GOLGA1: variants seen among roughly 807,000 people sequenced by gnomAD.
GOLGA1 encodes golgin A1, also known as golgin subfamily A member 1.
Under a neutral mutation model 119.7 loss-of-function variants are expected in GOLGA1, and 63 were observed. That is an observed-to-expected ratio of 0.53 (90% CI 0.43 to 0.65). The LOEUF is 0.65. Ranked by LOEUF, GOLGA1 falls within the 30% of genes least tolerant of loss-of-function variation. The pLI, the probability that GOLGA1 is intolerant of heterozygous loss-of-function variation, is 0.00. For missense variants in GOLGA1, 798 were observed against 912.8 expected, an observed-to-expected ratio of 0.87 and a Z score of 1.62; for synonymous variants, 318 against 333.4, an observed-to-expected ratio of 0.95 and a Z score of 0.50.
chr9:124,938,015 A>G (rs1044696700), intron 3 of GOLGA1, among the ~76,000 whole-genome samples: 5 of 150,634 alleles, frequency 3.3e-5, no homozygotes, highest in Non-Finnish European at 5.9e-5. Flanking sequence ...CCCCAGAGGC[A>G]GAGGTTGTGG....
intron 15 of GOLGA1, among the ~76,000 whole-genome samples, chr9:124,895,775 G>A (rs1164540206): frequency 2.4e-5 from 3 of 124,714 alleles, no homozygotes; most frequent in East Asian, 2.5e-4. Context: ...ACAACAGAGA[G>A]CCTCCACAAC....
chr9:124,899,304 C>A, intron 14 of GOLGA1, 25 bp downstream of exon 14: 1 of 1,526,972 alleles, frequency 6.5e-7, no homozygotes, highest in Non-Finnish European at 8.8e-7. Context: ...CTCCTGGGCC[C>A]ACCCTCTCTT....
intron 19 of GOLGA1, 84 bp from the exon 20 acceptor site, chr9:124,882,653 C>A: frequency 9.5e-7 from 1 of 1,052,202 alleles, no homozygotes; most frequent in Middle Eastern, 2.0e-4. Context: ...CCCACGGGAT[C>A]CCCTGTACAC....
At position 124,939,643 on chromosome 9, in the gene GOLGA1, AC is replaced by A. The variant is rs1186599646; in HGVS notation, c.-156+462del. ...AATGGCACTATCTCGGCTCACCGCA[AC>A]CTCCACCTCCTGGGTTCAAGCGATT... On this transcript the variant is annotated intron_variant, in intron 2 of 22. Coordinates refer to ENST00000373555, the MANE Select transcript of GOLGA1 (RefSeq NM_002077.4). Among the ~76,000 whole-genome samples, 4 of 137,372 alleles carry A rather than the reference AC, an allele frequency of 2.9e-5. No homozygotes were observed. The East Asian group carries it at 8.3e-4, about 29-fold the overall frequency. The allele number at this position is 137,372 out of a possible 152,430, so 90.1% of individuals were successfully genotyped here.
At position 124,928,107 on chromosome 9, in the gene GOLGA1, T is replaced by C. The variant is rs540225994; in HGVS notation, c.399+81A>G. Reference sequence around the variant, plus strand: ...TCTCCTAGGCTATAAATATTTTCTATAGGTTATGTCATGATTTTTGAAATC... The same window carrying C: ...TCTCCTAGGCTATAAATATTTTCTACAGGTTATGTCATGATTTTTGAAATC... On this transcript the variant is annotated intron_variant, in intron 6 of 22. Transcript: ENST00000373555. The C allele has an allele frequency of 6.7e-5, 41 of 608,126 alleles. No homozygotes were observed. In the South Asian group the frequency reaches 7.0e-4, roughly 10 times the overall value. The allele number at this position is 608,126 out of a possible 1,614,324, so 37.7% of individuals were successfully genotyped here.
Position 124,881,023 on chromosome 9 carries a change from A to T in GOLGA1, c.2223+148T>A. The T allele has an allele frequency of 1.5e-6, 1 of 662,268 alleles. No individual in the cohort carries two copies. 41.0% of individuals were successfully genotyped at this position (662,268 alleles called of 1,614,324 possible). A position where few individuals can be genotyped will look rare whatever the true frequency, so the allele number is the denominator to read the frequency against. ...GATGTCATCGCTAAAAAGTGCTTGGATCAAGTTCATCCAAAAGCAGCCAAG... is the reference window on the plus strand; with the variant it reads ...GATGTCATCGCTAAAAAGTGCTTGGTTCAAGTTCATCCAAAAGCAGCCAAG... On this transcript the variant is annotated intron_variant, in intron 22 of 22. Transcript: ENST00000373555. The surrounding 1 kb of genome is among the most constrained non-coding windows in gnomAD (Gnocchi z 4.9).
At chr9:124,925,184 T>C (rs923411718) in intron 7 of GOLGA1, among the ~76,000 whole-genome samples, 18 of 152,184 alleles carry the variant, frequency 1.2e-4, no homozygotes, top group Non-Finnish European at 2.4e-4. Context: ...GTAGGTTTTT[T>C]AGTTGGTTCA....
chr9:124,926,729 T>C lies in GOLGA1; in HGVS notation c.412A>G (p.Lys138Glu). The change falls in exon 7 of 23, where the codon AAG becomes GAG. Residue 138 changes from lysine to glutamate, a missense_variant. By Grantham distance (56) the Lys-to-Glu change is moderately conservative. Coordinates refer to ENST00000373555, the MANE Select transcript of GOLGA1 (RefSeq NM_002077.4). ...CTAACCTTTTCAAGCTGATCCATCT[T>C]TTCTGACCATTCCTAAAACAAAACA... Reference protein sequence around the residue: ...LARKDQEWSEKMDQLEKEKNI... With the variant: ...LARKDQEWSEEMDQLEKEKNI... 1 of 1,576,534 alleles carries C rather than the reference T, an allele frequency of 6.3e-7. No individual in the cohort carries two copies. The highest frequency in any genetic ancestry group is 1.7e-5 in the Admixed American group (1 of 59,228).
chr9:124,908,059 C>T (rs955617559), intron 12 of GOLGA1, among the ~76,000 whole-genome samples: 1 of 152,162 alleles, frequency 6.6e-6, no homozygotes, highest in Non-Finnish European at 1.5e-5. Flanking sequence ...ATAGCTGCAT[C>T]ATTTACAGAA....
chr9:124,916,462 T>C (rs1017320726), intron 10 of GOLGA1, among the ~76,000 whole-genome samples: 5 of 151,962 alleles, frequency 3.3e-5, no homozygotes, highest in African/African-American at 9.7e-5. Flanking sequence ...AGAAATACAA[T>C]GCCAAAACAT....
chr9:124,921,870 A>AGAC lies in GOLGA1; in HGVS notation c.581_583dup (p.Ser194_Leu195insArg), dbSNP rs753912345. 2.5e-6 allele frequency: 4 copies of AGAC among 1,612,906 alleles called. No individual in the cohort carries two copies. The South Asian group carries it at 3.3e-5, about 13-fold the overall frequency. ...CTCCAATTCTTGTTCCATTTTCCCT[A>AGAC]GACTTTCTTCTTTTTTTAAAAGCTG... is the stretch of plus-strand genomic sequence containing the variant. On this transcript the variant is annotated inframe_insertion, in exon 9 of 23. Transcript: ENST00000373555.
In GOLGA1 at chr9:124,889,217, C is replaced by A. The variant is rs1829798584; in HGVS notation, c.1687G>T (p.Val563Phe). The change falls in exon 18 of 23, where the codon GTC becomes TTC. Residue 563 changes from valine to phenylalanine, a missense_variant. Transcript: ENST00000373555. ...CTCAGCAGGTCCTCCTGCTCCGCGA[C>A]CACTGCAGCCTCCTCCGCCTTGAGG... is the stretch of plus-strand genomic sequence containing the variant. ...RTLKAEEAAV[V>F]AEQEDLLRLR... The A allele has an allele frequency of 2.2e-5, 35 of 1,613,410 alleles. No homozygotes were observed. Among genetic ancestry groups the A allele is most frequent in the Non-Finnish European group, 3.0e-5 (35 of 1,179,944 alleles).
intron 3 of GOLGA1, among the ~76,000 whole-genome samples, chr9:124,936,509 T>C (rs1830873883): frequency 1.3e-5 from 2 of 151,642 alleles, no homozygotes; most frequent in Admixed American, 1.3e-4. Flanking sequence ...GGCACGATCA[T>C]AGCTCACTAC....
intron 3 of GOLGA1, among the ~76,000 whole-genome samples, chr9:124,932,634 T>C (rs78546883): frequency 6.6e-6 from 1 of 152,362 alleles, no homozygotes; most frequent in African/African-American, 2.4e-5. Context: ...ATATTAGCTT[T>C]AATATGTGTC....
In GOLGA1 at chr9:124,921,238, T is replaced by A; in HGVS notation, c.734A>T (p.Asp245Val). ...RHYSTLEEQRDHVIASKTGAE... is the reference protein window; with the variant it reads ...RHYSTLEEQRVHVIASKTGAE... Reference sequence around the variant, plus strand: ...ACCTGTTTTTGAAGCTATCACATGATCTCTTCATCAAAAGAAAGCAGACAA... The same window carrying A: ...ACCTGTTTTTGAAGCTATCACATGAACTCTTCATCAAAAGAAAGCAGACAA... Residue 245 changes from aspartate to valine, a missense_variant and splice_region_variant, in exon 10 of 23, where the codon GAT (aspartate) becomes GTT (valine). By Grantham distance (152) the Asp-to-Val change is radical. Transcript: ENST00000373555. The A allele has an allele frequency of 6.3e-7, 1 of 1,585,078 alleles. No individual in the cohort carries two copies. Among genetic ancestry groups the A allele is most frequent in the Non-Finnish European group, 8.7e-7 (1 of 1,153,826 alleles).
At chr9:124,917,251 T>C (rs1025142502) in intron 10 of GOLGA1, among the ~76,000 whole-genome samples, 1 of 152,224 alleles carries the variant, frequency 6.6e-6, no homozygotes, top group African/African-American at 2.4e-5. Flanking sequence ...GATAAACACA[T>C]TGTTCTTTTT....
rs756860020 is a variant in GOLGA1 at position 124,888,267 on chromosome 9, G to A, written c.1891C>T (p.Leu631=). 1.2e-6 allele frequency: 2 copies of A among 1,614,122 alleles called. No individual in the cohort carries two copies. Among genetic ancestry groups the A allele is most frequent in the Non-Finnish European group, 1.7e-6 (2 of 1,179,956 alleles). ...KEKQDLEQQL[L]EKNKTIKQMQ... ...GGCATCCTCACCTTATTTTTCTCCA[G>A]AAGTTGCTGCTCCAAGTCCTGTTTC... The change falls in exon 19 of 23, where the codon CTG becomes TTG. Residue 631 remains leucine, a synonymous_variant. Coordinates refer to ENST00000373555, the MANE Select transcript of GOLGA1 (RefSeq NM_002077.4). The surrounding 1 kb of genome is among the most constrained non-coding windows in gnomAD (Gnocchi z 4.4).
chr9:124,924,542 G>A (rs1299027822), intron 7 of GOLGA1, among the ~76,000 whole-genome samples: 1 of 149,282 alleles, frequency 6.7e-6, no homozygotes, highest in African/African-American at 2.5e-5. Context: ...TGAGGTGGGA[G>A]AATCACCTGA....
rs936003706 is a variant in GOLGA1 at position 124,888,605 on chromosome 9, T to C, written c.1762-209A>G. Among the ~76,000 whole-genome samples, 1 of 152,226 alleles carries C rather than the reference T, an allele frequency of 6.6e-6. No individual in the cohort carries two copies. Among genetic ancestry groups the C allele is most frequent in the African/African-American group, 2.4e-5 (1 of 41,458 alleles). On this transcript the variant is annotated intron_variant, in intron 18 of 22. Transcript: ENST00000373555. This position sits in a 1 kb window ranked among gnomAD's most constrained non-coding sequence, Gnocchi z 4.4. ...TAGTCTTTGCTGGGATGAAGGGGCT[T>C]GCTCTCCCCTGCCTACCGACAGGGG...
Sources: allele counts gnomAD v4.1 joint callset (sites outside exome capture counted in the v4.1 genomes callset), GRCh38; gene constraint gnomAD v4.1.1; non-coding constraint Gnocchi (gnomAD v3.1); transcripts MANE v1.5; gene names NCBI Gene and HGNC (gene_info 2026-07-23, HGNC 2026-07-21).